Variants in RELN observed in about 807,000 individuals in gnomAD.
The protein encoded by RELN is reelin.
Under a neutral mutation model 427.6 loss-of-function variants are expected in RELN, and 108 were observed. The observed-to-expected ratio is 0.25, with a 90% confidence interval of 0.22 to 0.30. The LOEUF (loss-of-function observed/expected upper bound fraction) is 0.30. RELN is among the 10% of genes least tolerant of loss of function. The pLI is 1.00. For missense variants in RELN, 3,715 were observed against 4,302.8 expected, an observed-to-expected ratio of 0.86 and a Z score of 3.82; for synonymous variants, 1,524 against 1,513.4, an observed-to-expected ratio of 1.01 and a Z score of -0.16.
chr7:103,895,309 T>C (rs950348278), intron 2 of RELN, among the ~76,000 whole-genome samples: 4 of 151,384 alleles, frequency 2.6e-5, no homozygotes, highest in Admixed American at 6.6e-5. Context: ...AAAAAAAAAG[T>C]GGTAGTTCAA....
Position 103,909,833 on chromosome 7 carries a change from ATT to A in RELN, c.337+7240_337+7241del, listed in dbSNP as rs1311699438. ...ATAATATTATATATAAAATATATAT[ATT>A]TAATATATATATTTAAATAATTCAT... On this transcript the variant is annotated intron_variant, in intron 2 of 64. Transcript: ENST00000428762. Among the ~76,000 whole-genome samples, 149 of 41,944 alleles carry A rather than the reference ATT, an allele frequency of 3.6e-3. 10 individuals are homozygous for A. Among genetic ancestry groups the A allele is most frequent in the African/African-American group, 0.01 (139 of 13,336 alleles). 27.5% of individuals were successfully genotyped at this position (41,944 alleles called of 152,430 possible). A position where few individuals can be genotyped will look rare whatever the true frequency, so the allele number is the denominator to read the frequency against.
chr7:103,608,812 T>C (rs772973918), intron 22 of RELN, among the ~76,000 whole-genome samples: 49 of 152,276 alleles, frequency 3.2e-4, no homozygotes, highest in Non-Finnish European at 3.1e-4. Flanking sequence ...ACAATTTGAG[T>C]GTCAAAGAAC....
At chr7:103,751,119 G>C (rs1182973009) in intron 5 of RELN, among the ~76,000 whole-genome samples, 1 of 152,142 alleles carries the variant, frequency 6.6e-6, no homozygotes, top group Admixed American at 6.5e-5. Flanking sequence ...TTCATGGTTT[G>C]CTTAGGAAGT....
chr7:103,501,047 G>A, intron 52 of RELN, 125 bp from the exon 53 acceptor site: 2 of 850,010 alleles, frequency 2.4e-6, no homozygotes, highest in Admixed American at 2.0e-5. Flanking sequence ...AGATGAAATA[G>A]GTTAATAAAA....
chr7:103,601,040 T>C (rs1440469076), intron 24 of RELN, among the ~76,000 whole-genome samples: 1 of 152,224 alleles, frequency 6.6e-6, no homozygotes, highest in South Asian at 2.1e-4. Flanking sequence ...GGAGCCCAGA[T>C]AGTCTGTCTG....
chr7:103,653,352 G>A (rs1476448233), intron 13 of RELN, among the ~76,000 whole-genome samples: 1 of 152,062 alleles, frequency 6.6e-6, no homozygotes, highest in Non-Finnish European at 1.5e-5. Flanking sequence ...CATGTGGAAT[G>A]TGCTGGATAT....
chr7:103,866,963 C>A (rs1410152663), intron 2 of RELN, among the ~76,000 whole-genome samples: 2 of 152,170 alleles, frequency 1.3e-5, no homozygotes, highest in African/African-American at 4.8e-5. Flanking sequence ...ACTGCCCTAA[C>A]AGATCAATAC....
chr7:103,842,139 T>C (rs73419132), intron 2 of RELN, among the ~76,000 whole-genome samples: 1,588 of 152,266 alleles, frequency 0.01, 25 homozygotes, highest in African/African-American at 0.036. Flanking sequence ...TATCACCTTA[T>C]GTCTACATAA....
At chr7:103,482,585 C>A (rs1562841089) in intron 63 of RELN, among the ~76,000 whole-genome samples, 1 of 152,200 alleles carries the variant, frequency 6.6e-6, no homozygotes, top group Non-Finnish European at 1.5e-5. Context: ...CATGGTTTCC[C>A]ATTTACCTGG....
rs1336589155 is a variant in RELN, at chr7:103,652,631, C to A, written c.1683G>T (p.Leu561Phe). 6.2e-7 allele frequency: 1 copy of A among 1,612,858 alleles called. No individual in the cohort carries two copies. The change falls in exon 14 of 65, where the codon TTG becomes TTT. Residue 561 changes from leucine to phenylalanine, a missense_variant. Around this residue, in one of 4 missense-constraint regions of RELN, gnomAD observed 2,208 missense variants for 2,361.7 expected, o/e 0.93. Coordinates refer to ENST00000428762, the MANE Select transcript of RELN (RefSeq NM_005045.4). ...NVWAVDFFHVLPVLPSTMSHM... is the reference protein window; with the variant it reads ...NVWAVDFFHVFPVLPSTMSHM... Reference sequence around the variant, plus strand: ...GAGACATTGTAGAAGGGAGAACAGGCAAGACATGGAAAAAGTCTACAGCCC... The same window carrying A: ...GAGACATTGTAGAAGGGAGAACAGGAAAGACATGGAAAAAGTCTACAGCCC...
At position 103,596,658 on chromosome 7, in the gene RELN, C is replaced by G; in HGVS notation, c.3337G>C (p.Gly1113Arg). ...SGSSLYFSKA[G>R]KRQLVSWDLD... is the part of the protein sequence containing the mutation. ...TCCCAACTCACCAGCTGTCTTTTCC[C>G]AGCCTTTCAGAAAAGAAGAAAAATC... Residue 1113 changes from glycine (G) to arginine (R), a missense_variant, in exon 25 of 65, where the codon GGG becomes CGG. Around this residue, in one of 4 missense-constraint regions of RELN, gnomAD observed 2,208 missense variants for 2,361.7 expected, o/e 0.93. Coordinates refer to ENST00000428762, the MANE Select transcript of RELN (RefSeq NM_005045.4). 6.2e-7 allele frequency: 1 copy of G among 1,613,722 alleles called. No individual in the cohort carries two copies. Among genetic ancestry groups the G allele is most frequent in the Non-Finnish European group, 8.5e-7 (1 of 1,179,702 alleles).
intron 2 of RELN, among the ~76,000 whole-genome samples, chr7:103,855,962 C>G (rs1423043865): frequency 6.6e-6 from 1 of 152,106 alleles, no homozygotes; most frequent in African/African-American, 2.4e-5. Flanking sequence ...TTCAACACAG[C>G]ATTTTGTGGA....
At chr7:103,736,597 T>G (rs1002500647) in intron 6 of RELN, among the ~76,000 whole-genome samples, 1 of 152,200 alleles carries the variant, frequency 6.6e-6, no homozygotes, top group Non-Finnish European at 1.5e-5. Context: ...CATTAACAGG[T>G]ACGAATGACA....
intron 17 of RELN, among the ~76,000 whole-genome samples, chr7:103,638,074 T>A (rs10260649): frequency 0.033 from 5,016 of 151,806 alleles, 291 homozygotes; most frequent in African/African-American, 0.11. Flanking sequence ...AAATATTTTT[T>A]AAAAAAAACA....
intron 2 of RELN, among the ~76,000 whole-genome samples, chr7:103,889,531 A>G (rs1044429245): frequency 6.6e-6 from 1 of 152,168 alleles, no homozygotes; most frequent in Non-Finnish European, 1.5e-5. Context: ...CCAGAGGGAA[A>G]TCTTTTTACT....
At position 103,515,232 on chromosome 7, in the gene RELN, G is replaced by A. The variant is rs1829532057; in HGVS notation, c.8072C>T (p.Pro2691Leu). The A allele has an allele frequency of 6.2e-7, 1 of 1,614,206 alleles. No individual in the cohort carries two copies. Among genetic ancestry groups the A allele is most frequent in the Non-Finnish European group, 8.5e-7 (1 of 1,180,036 alleles). The change falls in exon 50 of 65, where the codon CCT (proline) becomes CTT (leucine). Residue 2691 changes from proline (P) to leucine (L), a missense_variant. Pro to Leu is a moderately conservative substitution (Grantham distance 98). This residue lies in a region of RELN where 1,310 missense variants were observed against 1,643.0 expected (regional missense o/e 0.80). Transcript: ENST00000428762. ...CATGTCAAAGGCGATCCTCCCGACA[G>A]GGCCGGCATCTGCAGGGGAGCGCTC... ...QHERSPADAG[P>L]VGRIAFDMFM...
chr7:103,486,072 G>A (rs979277609), intron 61 of RELN, 125 bp downstream of exon 61: 1 of 871,726 alleles, frequency 1.1e-6, no homozygotes, highest in Non-Finnish European at 1.9e-6. Flanking sequence ...AAATTCAAAT[G>A]ACAGGTTTTC....
rs1328422915 is a variant in RELN at position 103,596,673 on chromosome 7, G to A, written c.3334-12C>T. 1.2e-6 allele frequency: 2 copies of A among 1,612,626 alleles called. No homozygotes were observed. On this transcript the variant is annotated splice_polypyrimidine_tract_variant and intron_variant, in intron 24 of 64. Coordinates refer to ENST00000428762, the MANE Select transcript of RELN (RefSeq NM_005045.4). Reference sequence around the variant, plus strand: ...TGTCTTTTCCCAGCCTTTCAGAAAAGAAGAAAAATCAAATTCAGTAATCTG... The same window carrying A: ...TGTCTTTTCCCAGCCTTTCAGAAAAAAAGAAAAATCAAATTCAGTAATCTG...
intron 2 of RELN, among the ~76,000 whole-genome samples, chr7:103,909,774 T>C (rs1323082745): frequency 1.1e-5 from 1 of 93,064 alleles, no homozygotes; most frequent in African/African-American, 4.5e-5. Flanking sequence ...ATATTTAATA[T>C]ATATAAATAT....
Sources: gnomAD v4.1 joint callset for allele counts (sites outside exome capture counted in the v4.1 genomes callset) on GRCh38, gnomAD v4.1.1 for gene constraint, gnomAD v4.1.1 regional missense constraint, MANE v1.5 for transcripts, NCBI Gene and HGNC (gene_info 2026-07-23, HGNC 2026-07-21) for gene names.